Variants in NCKAP5 observed in about 807,000 individuals in gnomAD.
NCKAP5 encodes NCK associated protein 5, also known as nck-associated protein 5.
In NCKAP5, 92 loss-of-function variants were observed where a neutral mutation model predicts 167.0. The ratio of observed to expected loss-of-function variants is 0.55; its 90% confidence interval spans 0.47 to 0.66. The LOEUF is 0.66. NCKAP5 is among the 30% of genes least tolerant of loss of function. NCKAP5 has a pLI of 0.00. For synonymous variants in NCKAP5, 891 were observed against 877.4 expected (o/e 1.02, Z -0.27); for missense variants, 2,378 against 2,315.0 (o/e 1.03, Z -0.56).
At chr2:132,701,628 C>T (rs897133364) in intron 19 of NCKAP5, among the ~76,000 whole-genome samples, 1 of 152,106 alleles carries the variant, frequency 6.6e-6, no homozygotes, top group Non-Finnish European at 1.5e-5. Context: ...GTTTGGCAAA[C>T]ATTTGGCAAA....
chr2:132,954,692 G>A (rs1055972432), intron 8 of NCKAP5: 3 of 452,260 alleles, frequency 6.6e-6, no homozygotes, highest in South Asian at 4.8e-5. Context: ...ATCCTAATTT[G>A]ATTAGGTACA....
chr2:133,188,352 A>G (rs2085047079), intron 5 of NCKAP5, among the ~76,000 whole-genome samples: 1 of 152,122 alleles, frequency 6.6e-6, no homozygotes, highest in African/African-American at 2.4e-5. Flanking sequence ...TTAACAGTCC[A>G]CTGTTAACAT....
intron 8 of NCKAP5, among the ~76,000 whole-genome samples, chr2:132,884,367 A>G (rs550486619): frequency 1.3e-5 from 2 of 152,288 alleles, no homozygotes; most frequent in Admixed American, 6.5e-5. Context: ...GGCCAGTCCC[A>G]TGGAAGCTTT....
At chr2:132,685,783 C>G (rs1430529010) in intron 19 of NCKAP5, among the ~76,000 whole-genome samples, 1 of 152,122 alleles carries the variant, frequency 6.6e-6, no homozygotes. Context: ...TTGCAACTTT[C>G]CCATGATTTA....
intron 3 of NCKAP5, among the ~76,000 whole-genome samples, chr2:133,435,894 A>G (rs1367594586): frequency 2.6e-5 from 4 of 152,034 alleles, no homozygotes; most frequent in Non-Finnish European, 4.4e-5. Flanking sequence ...CTCACTTTCC[A>G]TGGCTGACCT....
At position 133,563,095 on chromosome 2, in the gene NCKAP5, C is replaced by T. The variant is rs1055211859; in HGVS notation, c.-129-3978G>A. 2.6e-5 allele frequency among the ~76,000 whole-genome samples: 4 copies of T among 152,272 alleles called. 1 individual carries two copies. In the South Asian group the frequency reaches 6.2e-4, roughly 24 times the overall value. ...TTAAATCCACTTTCACAAAATGCTA[C>T]CATTTCCTTAGGTTACCATTTTCAG... On this transcript the variant is annotated intron_variant, in intron 1 of 19. Coordinates refer to ENST00000409261, the MANE Select transcript of NCKAP5 (RefSeq NM_207363.3).
chr2:132,804,729 T>A (rs892778934), intron 11 of NCKAP5, among the ~76,000 whole-genome samples: 2 of 152,124 alleles, frequency 1.3e-5, no homozygotes, highest in East Asian at 1.9e-4. Context: ...ATCTCATGAA[T>A]CTTCATACTA....
chr2:133,588,336 TCCTTCTTCCCTTCCTTCCTC>T, the NCKAP5 span, among the ~76,000 whole-genome samples: 1 of 112,976 alleles, frequency 8.9e-6, no homozygotes, highest in South Asian at 3.6e-4. Flanking sequence ...CTCCCTTCCC[TCCTTCTTCCCTTCCTTCCTC>T]CCTTCCCTCT....
At chr2:133,250,798 C>T (rs1429381045) in intron 4 of NCKAP5, among the ~76,000 whole-genome samples, 1 of 152,014 alleles carries the variant, frequency 6.6e-6, no homozygotes, top group Non-Finnish European at 1.5e-5. Context: ...TGCATGATGG[C>T]ACAAACCTGT....
chr2:133,540,016 T>A (rs927091783), intron 2 of NCKAP5, among the ~76,000 whole-genome samples: 3 of 152,018 alleles, frequency 2.0e-5, no homozygotes, highest in African/African-American at 7.2e-5. Context: ...CCATCTCTAC[T>A]AAAAATACAT....
intron 11 of NCKAP5, among the ~76,000 whole-genome samples, chr2:132,836,802 G>A (rs1208841307): frequency 6.6e-6 from 1 of 152,036 alleles, no homozygotes; most frequent in East Asian, 1.9e-4. Flanking sequence ...TGCTCTTAAG[G>A]CTGCTGTACA....
chr2:133,363,124 C>A (rs767901938), intron 3 of NCKAP5, among the ~76,000 whole-genome samples: 2 of 152,054 alleles, frequency 1.3e-5, no homozygotes, highest in African/African-American at 2.4e-5. Context: ...ACTAGATGAT[C>A]ATTTTGTGAG....
At chr2:132,853,761 T>C (rs1245176681) in intron 11 of NCKAP5, among the ~76,000 whole-genome samples, 1 of 152,168 alleles carries the variant, frequency 6.6e-6, no homozygotes, top group Non-Finnish European at 1.5e-5. Flanking sequence ...AGAACCTATG[T>C]CTGCAGTCTC....
chr2:132,934,828 G>A (rs1241310004), intron 8 of NCKAP5, among the ~76,000 whole-genome samples: 2 of 152,146 alleles, frequency 1.3e-5, no homozygotes, highest in African/African-American at 2.4e-5. Flanking sequence ...CCATTTGAGT[G>A]TGGAGAACTC....
At position 133,048,023 on chromosome 2, in the gene NCKAP5, C is replaced by T. The variant is rs117457329; in HGVS notation, c.342-53784G>A. Among the ~76,000 whole-genome samples, 151 of 152,300 alleles carry T rather than the reference C, an allele frequency of 9.9e-4. 1 individual carries two copies. The East Asian group carries it at 0.02, about 20-fold the overall frequency. ...TTCTAAAACTGAGGTCTTAGAATCC[C>T]GAAAGATTCAGGTTCATGTCTCCTT... On this transcript the variant is annotated intron_variant, in intron 6 of 19. Transcript: ENST00000409261.
intron 3 of NCKAP5, among the ~76,000 whole-genome samples, chr2:133,402,817 G>A (rs370392963): frequency 1.6e-4 from 24 of 152,232 alleles, no homozygotes; most frequent in Admixed American, 9.2e-4. Flanking sequence ...CCGCAGAACT[G>A]TAAGCCAAAA....
intron 3 of NCKAP5, among the ~76,000 whole-genome samples, chr2:133,484,522 T>C (rs1266055823): frequency 6.6e-6 from 1 of 152,178 alleles, no homozygotes; most frequent in Non-Finnish European, 1.5e-5. Context: ...CATGACAAGA[T>C]GGATTAATCC....
chr2:133,552,525 C>T (rs1333134113), intron 2 of NCKAP5, among the ~76,000 whole-genome samples: 1 of 140,362 alleles, frequency 7.1e-6, no homozygotes, highest in Non-Finnish European at 1.5e-5. Flanking sequence ...TATTCTCACT[C>T]ATAGGTGGGA....
At chr2:132,914,740 C>A (rs1694730014) in intron 8 of NCKAP5, among the ~76,000 whole-genome samples, 1 of 151,904 alleles carries the variant, frequency 6.6e-6, no homozygotes, top group Non-Finnish European at 1.5e-5. Context: ...AATTTTATTT[C>A]AATACAAATG....
Sources: gnomAD v4.1 joint callset for allele counts (sites outside exome capture counted in the v4.1 genomes callset) on GRCh38, gnomAD v4.1.1 for gene constraint, MANE v1.5 for transcripts, NCBI Gene and HGNC (gene_info 2026-07-23, HGNC 2026-07-21) for gene names.